The following CDK13 variants were observed in gnomAD, a reference collection of about 807,000 sequenced individuals.
CDK13 encodes the protein cyclin dependent kinase 13, also known as cyclin-dependent kinase 13.
Under a neutral mutation model 137.6 loss-of-function variants are expected in CDK13, and 40 were observed. That is an observed-to-expected ratio of 0.29 (90% confidence interval 0.23 to 0.38). CDK13 has a LOEUF of 0.38. Ranked by LOEUF, CDK13 falls within the 10% of genes least tolerant of loss-of-function variation. CDK13 has a pLI of 1.00. For synonymous variants in CDK13, 869 were observed against 760.1 expected, an observed-to-expected ratio of 1.14 and a Z score of -2.36; for missense variants, 1,704 against 1,951.8, an observed-to-expected ratio of 0.87 and a Z score of 2.39.
intron 6 of CDK13, among the ~76,000 whole-genome samples, chr7:40,046,794 G>A (rs2150516178): frequency 6.6e-6 from 1 of 152,074 alleles, no homozygotes; most frequent in South Asian, 2.1e-4. Context: ...TTGAGGCCAG[G>A]AGTTCAAGAC....
intron 9 of CDK13, chr7:40,070,063 C>T: frequency 4.3e-5 from 1 of 23,194 alleles, no homozygotes; most frequent in African/African-American, 2.1e-4. Flanking sequence ...TCTACCAAAA[C>T]TACAAAAAAA....
At chr7:40,009,197 T>G (rs1457369405) in intron 5 of CDK13, among the ~76,000 whole-genome samples, 1 of 152,282 alleles carries the variant, frequency 6.6e-6, no homozygotes, top group Non-Finnish European at 1.5e-5. Context: ...GATTACCAAA[T>G]GGAAGGTTCT....
intron 5 of CDK13, among the ~76,000 whole-genome samples, chr7:40,036,156 A>AAAAT: frequency 8.2e-6 from 1 of 122,364 alleles, no homozygotes; most frequent in East Asian, 2.1e-4. Context: ...ACCCTGTCTC[A>AAAAT]AAATAAATAA....
At chr7:40,092,540 T>G (rs570332906) in intron 12 of CDK13, 1 of 457,268 alleles carries the variant, frequency 2.2e-6, no homozygotes, top group African/African-American at 2.0e-5. Flanking sequence ...GTAGTGGTCT[T>G]GATTTTCCTT....
chr7:40,091,352 AAAAT>A (rs769392455), intron 12 of CDK13, among the ~76,000 whole-genome samples: 6 of 150,042 alleles, frequency 4.0e-5, no homozygotes, highest in African/African-American at 7.4e-5. Flanking sequence ...CGTCTCAAAA[AAAAT>A]AAATAAATAA....
rs1786955856 is a variant in CDK13, at chr7:40,092,843, A to G, written c.3294A>G (p.Leu1098=). ...NHSELAILLN[L]LQSKTSVNMA... is the part of the protein sequence containing the mutation. Reference sequence around the variant, plus strand: ...GTGAATTGGCAATTCTACTAAACCTACTACAATCTAAAACAAGTGTTAATA... The same window carrying G: ...GTGAATTGGCAATTCTACTAAACCTGCTACAATCTAAAACAAGTGTTAATA... Residue 1098 remains leucine, a synonymous_variant, in exon 13 of 14, where the codon CTA becomes CTG. Coordinates refer to ENST00000181839, the MANE Select transcript of CDK13 (RefSeq NM_003718.5). 1 of 1,614,224 alleles carries G rather than the reference A, an allele frequency of 6.2e-7. No homozygotes were observed.
chr7:39,953,405 A>C (rs1787300212), intron 1 of CDK13, among the ~76,000 whole-genome samples: 1 of 152,200 alleles, frequency 6.6e-6, no homozygotes, highest in Non-Finnish European at 1.5e-5. Flanking sequence ...AAGTTTCAGC[A>C]CTTGAACAAT....
intron 9 of CDK13, chr7:40,070,808 CATAT>C (rs10551165): frequency 4.0e-5 from 6 of 150,166 alleles, no homozygotes; most frequent in African/African-American, 7.3e-5. Context: ...TCTGTGTGGC[CATAT>C]ATATATATAT....
At chr7:40,080,740 ATT>A (rs1169720835) in intron 11 of CDK13, among the ~76,000 whole-genome samples, 2 of 152,232 alleles carry the variant, frequency 1.3e-5, no homozygotes, top group Non-Finnish European at 2.9e-5. Context: ...TACAAAGAGT[ATT>A]CATGTATATC....
chr7:40,040,410 C>T (rs1785580386), intron 5 of CDK13, among the ~76,000 whole-genome samples: 1 of 152,146 alleles, frequency 6.6e-6, no homozygotes, highest in African/African-American at 2.4e-5. Context: ...CAGTATCACA[C>T]TTTTTAACGA....
At chr7:40,021,425 G>T (rs1785122929) in intron 5 of CDK13, among the ~76,000 whole-genome samples, 1 of 151,932 alleles carries the variant, frequency 6.6e-6, no homozygotes. Context: ...GAATCCAAGA[G>T]GTGTAGGTTG....
At chr7:39,959,545 C>T (rs897287967) in intron 1 of CDK13, among the ~76,000 whole-genome samples, 2 of 151,830 alleles carry the variant, frequency 1.3e-5, no homozygotes, top group African/African-American at 4.8e-5. Context: ...CTGCTCACTG[C>T]AACCTCCACC....
chr7:40,012,718 C>T (rs1374016158), intron 5 of CDK13, among the ~76,000 whole-genome samples: 1 of 152,054 alleles, frequency 6.6e-6, no homozygotes, highest in African/African-American at 2.4e-5. Context: ...TCAAGACTAG[C>T]CTGGCCAAAA....
chr7:39,977,772 T>TA (rs1784140908), intron 1 of CDK13, among the ~76,000 whole-genome samples: 1 of 151,876 alleles, frequency 6.6e-6, no homozygotes, highest in Non-Finnish European at 1.5e-5. Flanking sequence ...GGGAACCTGG[T>TA]AGGGAGACTT....
intron 1 of CDK13, among the ~76,000 whole-genome samples, chr7:39,955,869 A>G (rs1043550574): frequency 1.3e-5 from 2 of 152,134 alleles, no homozygotes; most frequent in African/African-American, 4.8e-5. Context: ...AGAAATTATT[A>G]TGTGTGTTTT....
intron 9 of CDK13, among the ~76,000 whole-genome samples, chr7:40,074,380 G>A (rs939781383): frequency 9.2e-5 from 14 of 152,022 alleles, no homozygotes; most frequent in Admixed American, 3.3e-4. Flanking sequence ...AAAATTAGCC[G>A]GGTGTGGTGG....
In CDK13 at chr7:40,088,095, A is replaced by G. The variant is rs577874703; in HGVS notation, c.3030-31A>G. On this transcript the variant is annotated intron_variant, in intron 11 of 13. Coordinates refer to ENST00000181839, the MANE Select transcript of CDK13 (RefSeq NM_003718.5). ...GTAGCATTTTTTGTTAAGAAATGCC[A>G]TTTACAATTTAATTCCTTTTTTTTT... is the stretch of plus-strand genomic sequence containing the variant. 127 of 1,587,266 alleles carry G rather than the reference A, an allele frequency of 8.0e-5. 2 individuals are homozygous for G. In the South Asian group the frequency reaches 1.3e-3, roughly 17 times the overall value.
At chr7:40,001,665 A>T (rs1010270505) in intron 4 of CDK13, among the ~76,000 whole-genome samples, 196 bp from the exon 5 acceptor site, 1 of 152,192 alleles carries the variant, frequency 6.6e-6, no homozygotes, top group Non-Finnish European at 1.5e-5. Context: ...TTATGTAAAT[A>T]TTCCATAATT....
rs374628116 is a variant in CDK13 at position 40,032,989 on chromosome 7, C to T, written c.2354-12847C>T. On this transcript the variant is annotated intron_variant, in intron 5 of 13. Coordinates refer to ENST00000181839, the MANE Select transcript of CDK13 (RefSeq NM_003718.5). Reference sequence around the variant, plus strand: ...ATACAGCAAGTTGGGAAAGAACTGACGTCTTGACAGTGTGGAGTCTGTCTA... The same window carrying T: ...ATACAGCAAGTTGGGAAAGAACTGATGTCTTGACAGTGTGGAGTCTGTCTA... Among the ~76,000 whole-genome samples, 78 of 152,284 alleles carry T rather than the reference C, an allele frequency of 5.1e-4. 1 individual carries two copies. The South Asian group carries it at 0.014, about 27-fold the overall frequency.
Sources: gnomAD v4.1 joint callset for allele counts (sites outside exome capture counted in the v4.1 genomes callset) on GRCh38, gnomAD v4.1.1 for gene constraint, MANE v1.5 for transcripts, NCBI Gene and HGNC (gene_info 2026-07-23, HGNC 2026-07-21) for gene names.